Variants in PPP4R3B observed in about 807,000 individuals in gnomAD.
The protein encoded by PPP4R3B is protein phosphatase 4 regulatory subunit 3B, also known as serine/threonine-protein phosphatase 4 regulatory subunit 3B.
In PPP4R3B, 52 loss-of-function variants were observed where a neutral mutation model predicts 95.4. The ratio of observed to expected loss-of-function variants is 0.54; its 90% CI spans 0.44 to 0.69. The LOEUF is 0.69. Among genes scored for constraint, PPP4R3B ranks in the 30% least tolerant of loss-of-function variants. The pLI is 0.00. For missense variants in PPP4R3B, 1,003 were observed against 1,005.9 expected (o/e 1.00, Z 0.04); for synonymous variants, 407 against 343.9 (o/e 1.18, Z -2.03).
intron 5 of PPP4R3B, among the ~76,000 whole-genome samples, chr2:55,587,130 T>C (rs1477759323): frequency 6.6e-6 from 1 of 152,236 alleles, no homozygotes; most frequent in Non-Finnish European, 1.5e-5. Context: ...ACAGAGATAT[T>C]TGGCTATAAA....
At chr2:55,553,086 A>G (rs2103768193) in intron 16 of PPP4R3B, among the ~76,000 whole-genome samples, 2 of 152,348 alleles carry the variant, frequency 1.3e-5, no homozygotes, top group Non-Finnish European at 2.9e-5. Flanking sequence ...AGAGAATTCT[A>G]CATAGAAAAT....
chr2:55,579,818 A>T, intron 8 of PPP4R3B, 37 bp from the exon 9 acceptor site: 1 of 1,352,098 alleles, frequency 7.4e-7, no homozygotes, highest in South Asian at 1.3e-5. Context: ...ACTGTTACTT[A>T]TGTAAATAAA....
At chr2:55,577,870 T>A (rs769940414) in intron 10 of PPP4R3B, among the ~76,000 whole-genome samples, 4 of 151,946 alleles carry the variant, frequency 2.6e-5, no homozygotes, top group Admixed American at 6.6e-5. Context: ...TTTCTAGGAA[T>A]ACATTCTAGA....
chr2:55,612,102 T>TA lies in PPP4R3B; in HGVS notation c.198+3348dup, dbSNP rs1023481533. Among the ~76,000 whole-genome samples, 11 of 152,208 alleles carry TA rather than the reference T, an allele frequency of 7.2e-5. No individual in the cohort carries two copies. In the East Asian group the frequency reaches 1.9e-3, roughly 27 times the overall value. ...ATTCACTTACTCATTAAGTTTTTAA[T>TA]AAAAAACCCGCTAATGGAAACAAAA... On this transcript the variant is annotated intron_variant, in intron 2 of 16. Transcript: ENST00000616407.
intron 4 of PPP4R3B, among the ~76,000 whole-genome samples, chr2:55,592,880 G>T (rs1442026574): frequency 1.3e-5 from 2 of 152,146 alleles, no homozygotes; most frequent in African/African-American, 2.4e-5. Flanking sequence ...TTAATTTCTG[G>T]CTGGGGGCAG....
chr2:55,615,364 G>T, intron 2 of PPP4R3B, 87 bp downstream of exon 2: 5 of 962,670 alleles, frequency 5.2e-6, no homozygotes, highest in South Asian at 2.9e-5. Context: ...TTTTTTTCTT[G>T]TCAGGAAAGC....
chr2:55,569,396 C>T (rs150847161), intron 12 of PPP4R3B, among the ~76,000 whole-genome samples: 1 of 152,166 alleles, frequency 6.6e-6, no homozygotes, highest in African/African-American at 2.4e-5. Flanking sequence ...TCAGGCCCAC[C>T]TGCAGTTATC....
chr2:55,605,904 C>CAAAAAAAAAAAAAA (rs35675375), intron 2 of PPP4R3B, among the ~76,000 whole-genome samples: 1 of 86,438 alleles, frequency 1.2e-5, no homozygotes, highest in Non-Finnish European at 2.5e-5. Context: ...GACTCCGTCT[C>CAAAAAAAAAAAAAA]AAAAAAAAAA....
chr2:55,615,736 CAGGTACACGGG>C (rs1335639126), intron 1 of PPP4R3B, among the ~76,000 whole-genome samples: 1 of 151,302 alleles, frequency 6.6e-6, no homozygotes, highest in Non-Finnish European at 1.5e-5. Context: ...CCTGTAGTCC[CAGGTACACGGG>C]AGGGTGGGGC....
chr2:55,579,083 G>A (rs1298353107), intron 9 of PPP4R3B, among the ~76,000 whole-genome samples: 1 of 151,996 alleles, frequency 6.6e-6, no homozygotes, highest in Non-Finnish European at 1.5e-5. Context: ...AAAGGATTCT[G>A]CACTCAGACT....
chr2:55,565,973 T>C (rs1187250238), intron 13 of PPP4R3B: 8 of 152,234 alleles, frequency 5.3e-5, no homozygotes, highest in Non-Finnish European at 7.3e-5. Context: ...TCTATTCCTA[T>C]AGTCTTCCAA....
chr2:55,588,984 A>C, intron 4 of PPP4R3B, 28 bp from the exon 5 acceptor site: 1 of 1,366,962 alleles, frequency 7.3e-7, no homozygotes, highest in Non-Finnish European at 1.0e-6. Context: ...TTACTATGAA[A>C]TATTAACAAA....
In PPP4R3B at chr2:55,550,113, A is replaced by G. The variant is rs551175813; in HGVS notation, c.2455-107T>C. On this transcript the variant is annotated intron_variant, in intron 16 of 16. Transcript: ENST00000616407. The stretch of plus-strand genomic sequence containing the variant: ...ATATCAGAAATCGTTTTTCTAAATC[A>G]TATCAGAAATTAACATTTGAATTTG... The G allele has an allele frequency of 7.2e-5, 53 of 735,650 alleles. No individual in the cohort carries two copies. The East Asian group carries it at 1.4e-3, about 20-fold the overall frequency. The allele number at this position is 735,650 out of a possible 1,614,324, so 45.6% of individuals were successfully genotyped here.
chr2:55,581,349 T>C (rs916654893), intron 8 of PPP4R3B, among the ~76,000 whole-genome samples: 1 of 152,204 alleles, frequency 6.6e-6, no homozygotes, highest in Non-Finnish European at 1.5e-5. Context: ...AATTAACACA[T>C]AGAGGCCAAG....
chr2:55,603,511 A>G (rs567741803), intron 3 of PPP4R3B, among the ~76,000 whole-genome samples: 95 of 152,368 alleles, frequency 6.2e-4, no homozygotes, highest in African/African-American at 2.2e-3. Flanking sequence ...TTTTAAAAAA[A>G]TTCTAGTTAC....
At position 55,560,778 on chromosome 2, in the gene PPP4R3B, G is replaced by GAAAA. The variant is rs545517387; in HGVS notation, c.2261-1814_2261-1811dup. ...GGCAACAGAGAGAGACTCCATCTCA[G>GAAAA]AAAAAAAAAAAAAAAAAAAAAAAAA... On this transcript the variant is annotated intron_variant, in intron 15 of 16. Transcript: ENST00000616407. Among the ~76,000 whole-genome samples the GAAAA allele has an allele frequency of 1.9e-4, 17 of 91,416 alleles. No homozygotes were observed. The East Asian group carries it at 2.6e-3, about 14-fold the overall frequency. The allele number at this position is 91,416 out of a possible 152,430, so 60.0% of individuals were successfully genotyped here.
At chr2:55,590,236 A>G (rs947456886) in intron 4 of PPP4R3B, among the ~76,000 whole-genome samples, 3 of 151,624 alleles carry the variant, frequency 2.0e-5, no homozygotes, top group African/African-American at 7.3e-5. Flanking sequence ...CTGAGGCAGG[A>G]GAATCGCTTG....
At chr2:55,604,721 G>A (rs1315361464) in intron 2 of PPP4R3B, among the ~76,000 whole-genome samples, 2 of 151,956 alleles carry the variant, frequency 1.3e-5, no homozygotes, top group African/African-American at 4.8e-5. Context: ...CTACCAAAGG[G>A]TTAGTTACAT....
At chr2:55,566,340 G>A (rs12993624) in intron 13 of PPP4R3B, among the ~76,000 whole-genome samples, 39,319 of 151,990 alleles carry the variant, frequency 0.26, 5,124 homozygotes, top group South Asian at 0.32. Context: ...TCGACCACTC[G>A]AACTTATTTT....
Sources: gnomAD v4.1 joint callset for allele counts (sites outside exome capture counted in the v4.1 genomes callset) on GRCh38, gnomAD v4.1.1 for gene constraint, MANE v1.5 for transcripts, NCBI Gene and HGNC (gene_info 2026-07-23, HGNC 2026-07-21) for gene names.